NSFL1C: variants seen among roughly 807,000 people sequenced by gnomAD.
The protein encoded by NSFL1C is NSFL1 cofactor p47.
Under a neutral mutation model 43.1 loss-of-function variants are expected in NSFL1C, and 14 were observed. The ratio of observed to expected loss-of-function variants is 0.32; its 90% CI spans 0.21 to 0.51. The LOEUF (loss-of-function observed/expected upper bound fraction) is 0.51, where lower values mean the gene tolerates loss of function less well. Ranked by LOEUF, NSFL1C falls within the 20% of genes least tolerant of loss-of-function variation. The probability of loss-of-function intolerance (pLI) is 0.98; values close to 1 mark genes in which losing one functional copy is unlikely to be tolerated. For synonymous variants in NSFL1C, 171 were observed against 183.5 expected, an observed-to-expected ratio of 0.93 and a Z score of 0.55; for missense variants, 406 against 472.5, an observed-to-expected ratio of 0.86 and a Z score of 1.30.
chr20:1,452,412 CA>C (rs2090199814), intron 7 of NSFL1C, 80 bp downstream of exon 7: 2 of 1,534,784 alleles, frequency 1.3e-6, no homozygotes, highest in Admixed American at 4.0e-5. Context: ...AGCTAATAAC[CA>C]AAGTGAGTGA....
chr20:1,466,748 A>G lies in NSFL1C; in HGVS notation c.77T>C (p.Phe26Ser). ...TGAEEDRARF[F>S]LESAGWDLQI... Reference sequence around the variant, plus strand: ...CAAGTCCCAGCCGGCCGACTCGAGAAAGAAGCGGGCCCGGTCCTCCTCGGC... The same window carrying G: ...CAAGTCCCAGCCGGCCGACTCGAGAGAGAAGCGGGCCCGGTCCTCCTCGGC... Residue 26 changes from phenylalanine to serine, a missense_variant, in exon 1 of 9, where the codon TTT becomes TCT. Around this residue, in one of 3 missense-constraint regions of NSFL1C, gnomAD observed 203 missense variants for 216.3 expected, o/e 0.94. Transcript: ENST00000216879. The G allele has an allele frequency of 6.4e-7, 1 of 1,564,324 alleles. No homozygotes were observed. Among genetic ancestry groups the G allele is most frequent in the Non-Finnish European group, 8.6e-7 (1 of 1,157,714 alleles).
chr20:1,465,219 C>T (rs528573366), intron 1 of NSFL1C, among the ~76,000 whole-genome samples: 2 of 152,328 alleles, frequency 1.3e-5, no homozygotes, highest in African/African-American at 4.8e-5. Flanking sequence ...GCATTGAGGT[C>T]ACAGAGATGA....
chr20:1,443,724 G>T lies in NSFL1C; in HGVS notation c.*25C>A. ...CCACTGGCCATGGGAAACACAGGAG[G>T]GAGGCCAGGCAGCTGGCTGGGCGGT... On this transcript the variant is annotated 3_prime_UTR_variant, in exon 9 of 9. Transcript: ENST00000216879. 1 of 1,612,070 alleles carries T rather than the reference G, an allele frequency of 6.2e-7. No homozygotes were observed.
chr20:1,461,497 G>A (rs2090411018), intron 2 of NSFL1C, among the ~76,000 whole-genome samples: 1 of 152,186 alleles, frequency 6.6e-6, no homozygotes, highest in South Asian at 2.1e-4. Context: ...CAAAAATAAG[G>A]AAGAATTAGA....
chr20:1,448,424 C>T (rs1407799937), intron 7 of NSFL1C, among the ~76,000 whole-genome samples: 1 of 152,198 alleles, frequency 6.6e-6, no homozygotes, highest in East Asian at 1.9e-4. Flanking sequence ...CACGCAAGGC[C>T]TGGTATTTAG....
intron 8 of NSFL1C, 108 bp from the exon 9 acceptor site, chr20:1,444,019 G>A: frequency 8.1e-7 from 1 of 1,236,296 alleles, no homozygotes; most frequent in Non-Finnish European, 1.1e-6. Context: ...TTTCTCCACA[G>A]AACAGCGAAA....
At chr20:1,453,291 A>C (rs557063193) in intron 5 of NSFL1C, 151 bp from the exon 6 acceptor site, 1 of 595,082 alleles carries the variant, frequency 1.7e-6, no homozygotes, top group African/African-American at 1.9e-5. Context: ...CAAGCAACTC[A>C]ACAAGCAAAC....
intron 2 of NSFL1C, among the ~76,000 whole-genome samples, chr20:1,461,272 T>G (rs567240402): frequency 6.6e-6 from 1 of 152,064 alleles, no homozygotes; most frequent in Non-Finnish European, 1.5e-5. Flanking sequence ...CAGTAGTACA[T>G]GGATATAGTC....
At chr20:1,456,300 T>G (rs2090299198) in intron 3 of NSFL1C, 2 of 153,126 alleles carry the variant, frequency 1.3e-5, no homozygotes, top group South Asian at 4.1e-4. Context: ...GAGAAAGACA[T>G]TTAGGAGCTG....
intron 3 of NSFL1C, chr20:1,456,180 C>T (rs989218649): frequency 5.5e-6 from 1 of 180,754 alleles, no homozygotes; most frequent in Non-Finnish European, 1.2e-5. Context: ...ACAAGGACAA[C>T]AGTACCAGTG....
intron 2 of NSFL1C, among the ~76,000 whole-genome samples, chr20:1,462,940 G>A (rs995967417): frequency 7.2e-5 from 11 of 152,298 alleles, no homozygotes; most frequent in Non-Finnish European, 1.6e-4. Flanking sequence ...AACACATGCT[G>A]TGTTCTATTT....
At chr20:1,447,806 G>A (rs1464709808) in intron 7 of NSFL1C, among the ~76,000 whole-genome samples, 1 of 126,660 alleles carries the variant, frequency 7.9e-6, no homozygotes, top group East Asian at 3.8e-4. Flanking sequence ...CATTTACACC[G>A]ACTCTGTGCA....
chr20:1,461,899 G>A (rs572510030), intron 2 of NSFL1C, among the ~76,000 whole-genome samples: 84 of 152,284 alleles, frequency 5.5e-4, no homozygotes, highest in Non-Finnish European at 1.1e-3. Context: ...TGTTATTACT[G>A]AGTTTAAACT....
intron 3 of NSFL1C, among the ~76,000 whole-genome samples, chr20:1,457,280 T>C (rs1599957483): frequency 6.6e-6 from 1 of 152,284 alleles, no homozygotes; most frequent in Admixed American, 6.5e-5. Flanking sequence ...ATGAATAACT[T>C]TTTCTTTCTT....
In NSFL1C at chr20:1,452,599, G is replaced by C. The variant is rs745767385; in HGVS notation, c.679C>G (p.His227Asp). The part of the protein sequence containing the change: ...EVPAELRRLA[H>D]GGQVNLDMED... Reference sequence around the variant, plus strand: ...ATATCCAAGTTCACCTGTCCACCGTGAGCTAGCCTCCGAAGCTCTGCTGGC... The same window carrying C: ...ATATCCAAGTTCACCTGTCCACCGTCAGCTAGCCTCCGAAGCTCTGCTGGC... Residue 227 changes from histidine to aspartate, a missense_variant, in exon 7 of 9, where the codon CAC becomes GAC. His to Asp is a moderately conservative substitution (Grantham distance 81, BLOSUM62 -1). Transcript: ENST00000216879. 23 of 1,614,070 alleles carry C rather than the reference G, an allele frequency of 1.4e-5. No homozygotes were observed. The Admixed American group carries it at 3.2e-4, about 22-fold the overall frequency.
rs1166160662 is a variant in NSFL1C at position 1,443,581 on chromosome 20, C to T, written c.*168G>A. The stretch of plus-strand genomic sequence containing the variant: ...CATCACAAAAACCCAGGAAATGCAA[C>T]TAAGGAGAAAACAAACGTCCAACCA... On this transcript the variant is annotated 3_prime_UTR_variant, in exon 9 of 9. Coordinates refer to ENST00000216879, the MANE Select transcript of NSFL1C (RefSeq NM_016143.5). 1.7e-6 allele frequency: 1 copy of T among 572,000 alleles called. No homozygotes were observed. Among genetic ancestry groups the T allele is most frequent in the African/African-American group, 1.9e-5 (1 of 53,768 alleles). 35.4% of individuals were successfully genotyped at this position (572,000 alleles called of 1,614,324 possible).
intron 1 of NSFL1C, among the ~76,000 whole-genome samples, chr20:1,466,479 C>G (rs1162866895): frequency 2.0e-5 from 3 of 152,230 alleles, no homozygotes; most frequent in Non-Finnish European, 2.9e-5. Flanking sequence ...CTCGCTGACG[C>G]CGCAAGCGGG....
At chr20:1,461,919 A>T (rs555199915) in intron 2 of NSFL1C, among the ~76,000 whole-genome samples, 4 of 152,346 alleles carry the variant, frequency 2.6e-5, no homozygotes, top group African/African-American at 9.6e-5. Context: ...TGTCTCCTAT[A>T]GCAATGGTTA....
rs1023284683 is a variant in NSFL1C, at chr20:1,452,965, C to A, written c.647+66G>T. On this transcript the variant is annotated intron_variant, in intron 6 of 8. Transcript: ENST00000216879. ...TACTCCTCAAATAATAAACATTCTG[C>A]CTCCTCCTTTCCCAACTGCTATCCA... 1.6e-5 allele frequency: 14 copies of A among 876,762 alleles called. No individual in the cohort carries two copies. The African/African-American group carries it at 2.0e-4, about 12-fold the overall frequency. The allele number at this position is 876,762 out of a possible 1,614,324, so 54.3% of individuals were successfully genotyped here. A position where few individuals can be genotyped will look rare whatever the true frequency, so the allele number is the denominator to read the frequency against.
Sources: gnomAD v4.1 joint callset for allele counts (sites outside exome capture counted in the v4.1 genomes callset) on GRCh38, gnomAD v4.1.1 for gene constraint, gnomAD v4.1.1 regional missense constraint, MANE v1.5 for transcripts, NCBI Gene and HGNC (gene_info 2026-07-23, HGNC 2026-07-21) for gene names.